PADI3: variants seen among roughly 807,000 people sequenced by gnomAD.
The protein encoded by PADI3 is peptidyl arginine deiminase 3.
Under a neutral mutation model 71.5 loss-of-function variants are expected in PADI3, and 53 were observed. The ratio of observed to expected loss-of-function variants is 0.74; its 90% CI spans 0.59 to 0.93. The LOEUF is 0.93. Among genes scored for constraint, PADI3 ranks in the 40% least tolerant of loss-of-function variants. The pLI is 0.00. For synonymous variants in PADI3, 361 were observed against 347.5 expected (o/e 1.04, Z -0.43); for missense variants, 821 against 868.0 (o/e 0.95, Z 0.68).
In PADI3 at chr1:17,267,938, C is replaced by T. The variant is rs139876092; in HGVS notation, c.628C>T (p.Arg210Trp). ...CCATACCTCCAGCTATGATGCCAAA[C>T]GGGCACAGGTCTTCCACATCTGCGG... Reference protein sequence around the residue: ...VLHTSSYDAKRAQVFHICGPE... With the variant: ...VLHTSSYDAKWAQVFHICGPE... Residue 210 changes from arginine (R) to tryptophan (W), a missense_variant, in exon 6 of 16, where the codon CGG (arginine) becomes TGG (tryptophan). Physicochemically the swap from Arg to Trp is moderately radical, Grantham distance 101. Transcript: ENST00000375460. 1.6e-4 allele frequency: 258 copies of T among 1,614,170 alleles called. 1 individual carries two copies. In the African/African-American group the frequency reaches 1.9e-3, roughly 12 times the overall value.
At chr1:17,252,480 G>T (rs140433278) in intron 1 of PADI3, among the ~76,000 whole-genome samples, 2 of 148,050 alleles carry the variant, frequency 1.4e-5, no homozygotes, top group African/African-American at 5.0e-5. Context: ...TTGGCTTACT[G>T]CAGCCTGGAC....
At chr1:17,252,003 C>T (rs2072971207) in intron 1 of PADI3, among the ~76,000 whole-genome samples, 1 of 152,226 alleles carries the variant, frequency 6.6e-6, no homozygotes, top group Non-Finnish European at 1.5e-5. Flanking sequence ...ACAAGCAAGT[C>T]TGTTGGGCCT....
Position 17,271,165 on chromosome 1 carries a change from A to G in PADI3, c.1034A>G (p.Asp345Gly). The G allele has an allele frequency of 1.2e-6, 2 of 1,612,800 alleles. No homozygotes were observed. Among genetic ancestry groups the G allele is most frequent in the Middle Eastern group, 1.8e-4 (1 of 5,626 alleles). The change falls in exon 9 of 16, where the codon GAC becomes GGC. Residue 345 changes from aspartate to glycine, a missense_variant. Coordinates refer to ENST00000375460, the MANE Select transcript of PADI3 (RefSeq NM_016233.2). ...TICPQAENRNDRWIQDEMELG... is the reference protein window; with the variant it reads ...TICPQAENRNGRWIQDEMELG... ...TGCCCACAGGCCGAGAACCGCAACG[A>G]CCGCTGGATCCAGGTAACCACAGCC...
At position 17,270,877 on chromosome 1, in the gene PADI3, A is replaced by G. The variant is rs1557508308; in HGVS notation, c.832-2A>G. The G allele has an allele frequency of 6.2e-7, 1 of 1,613,022 alleles. No individual in the cohort carries two copies. Among genetic ancestry groups the G allele is most frequent in the African/African-American group, 1.3e-5 (1 of 75,000 alleles). Reference sequence around the variant, plus strand: ...TCTTTCTCCCCTGGTCTGCCCCTGCAGGATTTCTCGGCATCCCCTATCTTC... The same window carrying G: ...TCTTTCTCCCCTGGTCTGCCCCTGCGGGATTTCTCGGCATCCCCTATCTTC... On this transcript the variant is annotated splice_acceptor_variant, in intron 7 of 15. Coordinates refer to ENST00000375460, the MANE Select transcript of PADI3 (RefSeq NM_016233.2). LOFTEE classifies it high-confidence loss of function.
At chr1:17,280,216 T>C in intron 13 of PADI3, 134 bp from the exon 14 acceptor site, 1 of 707,648 alleles carries the variant, frequency 1.4e-6, no homozygotes, top group Non-Finnish European at 2.5e-6. Flanking sequence ...ACCCAAGGCC[T>C]GGGAAAGTCA....
At position 17,271,073 on chromosome 1, in the gene PADI3, G is replaced by A. The variant is rs1305044659; in HGVS notation, c.942G>A (p.Arg314=). 3.1e-6 allele frequency: 5 copies of A among 1,614,020 alleles called. No individual in the cohort carries two copies. The African/African-American group carries it at 5.3e-5, about 17-fold the overall frequency. The change falls in exon 9 of 16, where the codon AGG becomes AGA. Residue 314 remains arginine (R), a synonymous_variant. Coordinates refer to ENST00000375460, the MANE Select transcript of PADI3 (RefSeq NM_016233.2). ...PPLEVYVCRV[R]NNTCFVDAVA... is the part of the protein sequence containing the mutation. ...TCCCTGGGCTTGTCCGTAGTGTGAG[G>A]AACAACACGTGTTTTGTGGATGCGG...
At chr1:17,265,592 T>G in intron 3 of PADI3, 67 bp from the exon 4 acceptor site, 302 of 1,387,496 alleles carry the variant, frequency 2.2e-4, no homozygotes, top group Non-Finnish European at 2.9e-4. Flanking sequence ...AGACAAGCCC[T>G]GAGATCAAGG....
chr1:17,255,358 G>T lies in PADI3; in HGVS notation c.93-4220G>T, dbSNP rs533684709. On this transcript the variant is annotated intron_variant, in intron 1 of 15. Coordinates refer to ENST00000375460, the MANE Select transcript of PADI3 (RefSeq NM_016233.2). ...CAGTTGAGTTCTCCGGCTGGCTTGG[G>T]GGGTGTGGGGCTGGGAGAGCCCTGG... 3.9e-5 allele frequency among the ~76,000 whole-genome samples: 6 copies of T among 152,330 alleles called. No individual in the cohort carries two copies. In the East Asian group the frequency reaches 1.2e-3, roughly 29 times the overall value.
chr1:17,249,341 C>T, intron 1 of PADI3, 112 bp downstream of exon 1: 2 of 851,720 alleles, frequency 2.3e-6, no homozygotes, highest in Non-Finnish European at 4.0e-6. Flanking sequence ...GCCTTGGCCT[C>T]GGAACAGCAG....
chr1:17,263,975 T>G (rs1235946893), intron 3 of PADI3, among the ~76,000 whole-genome samples: 2 of 152,210 alleles, frequency 1.3e-5, no homozygotes, highest in East Asian at 1.9e-4. Flanking sequence ...AGCAAAGAAG[T>G]TGAAAATGCT....
At chr1:17,268,070 G>A (rs564849556) in intron 6 of PADI3, 108 bp downstream of exon 6, 23 of 1,314,198 alleles carry the variant, frequency 1.8e-5, no homozygotes, top group Middle Eastern at 3.8e-4. Context: ...CTTACACTCC[G>A]GGAGATGCCC....
chr1:17,264,273 CAT>C (rs1225198640), intron 3 of PADI3, among the ~76,000 whole-genome samples: 1 of 151,512 alleles, frequency 6.6e-6, no homozygotes, highest in Non-Finnish European at 1.5e-5. Context: ...TGGAAAATAA[CAT>C]AGACAGAAAA....
At chr1:17,271,273 G>C in intron 9 of PADI3, 95 bp downstream of exon 9, 1 of 1,059,740 alleles carries the variant, frequency 9.4e-7, no homozygotes, top group Non-Finnish European at 1.4e-6. Flanking sequence ...AGGAGGACCT[G>C]GGTGCTCCCC....
chr1:17,249,160 G>A lies in PADI3; in HGVS notation c.23G>A (p.Arg8His), dbSNP rs201208027. Reference sequence around the variant, plus strand: ...AGCATGTCGCTGCAGAGAATCGTGCGTGTGTCCCTGGAGCATCCCACCAGC... The same window carrying A: ...AGCATGTCGCTGCAGAGAATCGTGCATGTGTCCCTGGAGCATCCCACCAGC... MSLQRIVRVSLEHPTSAV... is the reference protein window; with the variant it reads MSLQRIVHVSLEHPTSAV... The change falls in exon 1 of 16, where the codon CGT (arginine) becomes CAT (histidine). Residue 8 changes from arginine (R) to histidine (H), a missense_variant. Transcript: ENST00000375460. The A allele has an allele frequency of 3.7e-6, 6 of 1,614,144 alleles. No homozygotes were observed. Among genetic ancestry groups the A allele is most frequent in the East Asian group, 4.5e-5 (2 of 44,882 alleles).
At chr1:17,262,012 GT>G in intron 2 of PADI3, 120 bp from the exon 3 acceptor site, 2 of 782,766 alleles carry the variant, frequency 2.6e-6, no homozygotes, top group Non-Finnish European at 4.3e-6. Flanking sequence ...CACAGAGGAG[GT>G]TAAAGAAAGA....
intron 1 of PADI3, among the ~76,000 whole-genome samples, chr1:17,258,439 G>C (rs2073054852): frequency 6.6e-6 from 1 of 152,270 alleles, no homozygotes. Context: ...GGTTTCCAAG[G>C]AGGAACCCCA....
chr1:17,277,110 A>G (rs1418683136), intron 13 of PADI3, among the ~76,000 whole-genome samples: 1 of 151,780 alleles, frequency 6.6e-6, no homozygotes, highest in East Asian at 1.9e-4. Context: ...CTGAGCGGGG[A>G]CATAGTGGCT....
rs776608816 is a variant in PADI3 at position 17,276,774 on chromosome 1, G to A, written c.1453G>A (p.Gly485Ser). 81 of 1,613,602 alleles carry A rather than the reference G, an allele frequency of 5.0e-5. No homozygotes were observed. The highest frequency in any genetic ancestry group is 6.9e-5 in the Non-Finnish European group (81 of 1,179,830). Residue 485 changes from glycine (G) to serine (S), a missense_variant and splice_region_variant, in exon 13 of 16, where the codon GGC (glycine) becomes AGC (serine). Physicochemically the swap from Gly to Ser is moderately conservative, Grantham distance 56. Transcript: ENST00000375460. The stretch of plus-strand genomic sequence containing the variant: ...AGCTGAATCTGTTCTCTGCACGCAG[G>A]GCTTCCGGATGCTCCTGGCCAGCCC... ...LSFVPAPDGK[G>S]FRMLLASPGA...
chr1:17,259,471 G>A (rs1349249537), intron 1 of PADI3, 107 bp from the exon 2 acceptor site: 47 of 971,610 alleles, frequency 4.8e-5, no homozygotes, highest in Non-Finnish European at 4.6e-5. Flanking sequence ...AGGGGACTGG[G>A]TGGCCAAGGA....
Sources: gnomAD v4.1 joint callset for allele counts (sites outside exome capture counted in the v4.1 genomes callset) on GRCh38, gnomAD v4.1.1 for gene constraint, MANE v1.5 for transcripts, NCBI Gene and HGNC (gene_info 2026-07-23, HGNC 2026-07-21) for gene names.